Variants in TNFRSF1A observed in about 807,000 individuals in gnomAD.
TNFRSF1A encodes the protein TNF receptor superfamily member 1A, also known as tumor necrosis factor receptor superfamily member 1A.
A neutral mutation model predicts 41.6 loss-of-function variants in TNFRSF1A; 9 were observed. The ratio of observed to expected loss-of-function variants is 0.22; its 90% confidence interval spans 0.13 to 0.38. The LOEUF (loss-of-function observed/expected upper bound fraction) is 0.38, where lower values mean the gene tolerates loss of function less well. Ranked by LOEUF, TNFRSF1A falls within the 10% of genes least tolerant of loss-of-function variation. The probability of loss-of-function intolerance (pLI) is 1.00; values close to 1 mark genes in which losing one functional copy is unlikely to be tolerated. For missense variants in TNFRSF1A, 463 were observed against 591.5 expected, an observed-to-expected ratio of 0.78 and a Z score of 2.25; for synonymous variants, 254 against 248.6, an observed-to-expected ratio of 1.02 and a Z score of -0.21.
intron 9 of TNFRSF1A, 56 bp downstream of exon 9, chr12:6,329,722 C>G: frequency 1.9e-6 from 3 of 1,550,816 alleles, no homozygotes; most frequent in Non-Finnish European, 2.6e-6. Flanking sequence ...GAGCGCCTCC[C>G]GCGCTCCCCC....
At chr12:6,331,035 C>T in intron 5 of TNFRSF1A, 109 bp from the exon 6 acceptor site, 1 of 912,904 alleles carries the variant, frequency 1.1e-6, no homozygotes, top group Non-Finnish European at 1.7e-6. Context: ...TTTTTGCTGT[C>T]TCTTGATATA....
At chr12:6,332,052 G>C (rs1364842139) in intron 5 of TNFRSF1A, 5 of 228,388 alleles carry the variant, frequency 2.2e-5, no homozygotes, top group African/African-American at 1.3e-4. Flanking sequence ...AAATAGTTTT[G>C]TGTCAGACGT....
chr12:6,340,049 C>G (rs370713275), intron 1 of TNFRSF1A, among the ~76,000 whole-genome samples: 1 of 152,176 alleles, frequency 6.6e-6, no homozygotes, highest in Non-Finnish European at 1.5e-5. Context: ...TTCAGGCTAC[C>G]TTTACCCTCT....
chr12:6,329,670 G>T, intron 9 of TNFRSF1A, 48 bp from the exon 10 acceptor site: 1 of 1,548,336 alleles, frequency 6.5e-7, no homozygotes. Flanking sequence ...CCCAGGCCCC[G>T]CCCCGCATCC....
At chr12:6,330,414 G>A in intron 7 of TNFRSF1A, 119 bp from the exon 8 acceptor site, 2 of 1,123,324 alleles carry the variant, frequency 1.8e-6, no homozygotes, top group South Asian at 1.2e-5. Flanking sequence ...TGGCCCCAGG[G>A]ACGAGAGAGC....
Position 6,329,348 on chromosome 12 carries a change from G to A in TNFRSF1A, c.1332C>T (p.Pro444=), listed in dbSNP as rs752811833. The change falls in exon 10 of 10, where the codon CCC becomes CCT. Residue 444 remains proline (P), a synonymous_variant. Coordinates refer to ENST00000162749, the MANE Select transcript of TNFRSF1A (RefSeq NM_001065.4). ...LEDIEEALCG[P]AALPPAPSLL... ...GACTGGGCGCGGGCGGGAGGGCGGC[G>A]GGGCCGCAAAGCGCCTCCTCGATGT... 4 of 1,480,526 alleles carry A rather than the reference G, an allele frequency of 2.7e-6. No homozygotes were observed. The highest frequency in any genetic ancestry group is 3.6e-6 in the Non-Finnish European group (4 of 1,124,986). The allele number at this position is 1,480,526 out of a possible 1,614,324, so 91.7% of individuals were successfully genotyped here. A position where few individuals can be genotyped will look rare whatever the true frequency, so the allele number is the denominator to read the frequency against.
intron 1 of TNFRSF1A, among the ~76,000 whole-genome samples, chr12:6,338,197 C>T (rs939594425): frequency 4.6e-5 from 7 of 152,140 alleles, no homozygotes; most frequent in African/African-American, 1.7e-4. Context: ...ATGCCCCAGA[C>T]GGAATTCATC....
At chr12:6,340,308 C>T (rs1410510357) in intron 1 of TNFRSF1A, among the ~76,000 whole-genome samples, 1 of 152,186 alleles carries the variant, frequency 6.6e-6, no homozygotes, top group Non-Finnish European at 1.5e-5. Flanking sequence ...AGTATGAGGT[C>T]AAGACTGTGA....
Position 6,341,874 on chromosome 12 carries a change from GTGCTGGGGCT to G in TNFRSF1A, c.-70_-61del. 6.3e-7 allele frequency: 1 copy of G among 1,596,492 alleles called. No homozygotes were observed. The highest frequency in any genetic ancestry group is 1.3e-5 in the African/African-American group (1 of 74,712). ...GGCTCAGGGCAGTGTGGCAGCGGCA[GTGCTGGGGCT>G]TCCCGGGACTCGGTCTGTCCAGGAC... On this transcript the variant is annotated 5_prime_UTR_variant, in exon 1 of 10. An upstream open reading frame in the 5' UTR loses its in-frame stop. Transcript: ENST00000162749. The surrounding 1 kb of genome is among the most constrained non-coding windows in gnomAD (Gnocchi z 4.6).
chr12:6,341,638 G>T lies in TNFRSF1A; in HGVS notation c.39+138C>A, dbSNP rs1289571221. 2 of 967,860 alleles carry T rather than the reference G, an allele frequency of 2.1e-6. No homozygotes were observed. The highest frequency in any genetic ancestry group is 1.6e-6 in the Non-Finnish European group (1 of 624,330). 60.0% of individuals were successfully genotyped at this position (967,860 alleles called of 1,614,324 possible). A position where few individuals can be genotyped will look rare whatever the true frequency, so the allele number is the denominator to read the frequency against. ...GAACCCCACACTGGCAGTGGCTGAG[G>T]TTAGGACCTGCAGGCCTGAGGCTGG... is the stretch of plus-strand genomic sequence containing the variant. On this transcript the variant is annotated intron_variant, in intron 1 of 9. Coordinates refer to ENST00000162749, the MANE Select transcript of TNFRSF1A (RefSeq NM_001065.4). The surrounding 1 kb of genome is among the most constrained non-coding windows in gnomAD (Gnocchi z 4.6).
In TNFRSF1A at chr12:6,333,243, G is replaced by C; in HGVS notation, c.473-96C>G. 6.4e-7 allele frequency: 1 copy of C among 1,551,022 alleles called. No individual in the cohort carries two copies. Among genetic ancestry groups the C allele is most frequent in the Non-Finnish European group, 8.8e-7 (1 of 1,132,408 alleles). ...ACGAGGGACAGGGTGGGGGCGGCCA[G>C]AGAGGAGTTGGTTGTCAGACCCACA... On this transcript the variant is annotated intron_variant, in intron 4 of 9. Transcript: ENST00000162749. The surrounding 1 kb of genome is among the most constrained non-coding windows in gnomAD (Gnocchi z 6.3).
intron 5 of TNFRSF1A, chr12:6,331,357 A>T: frequency 3.6e-6 from 1 of 280,128 alleles, no homozygotes; most frequent in South Asian, 3.4e-5. Flanking sequence ...TTGTTGTTTC[A>T]TCACTGTTTT....
At chr12:6,330,379 G>T in intron 7 of TNFRSF1A, 84 bp from the exon 8 acceptor site, 2 of 1,339,488 alleles carry the variant, frequency 1.5e-6, no homozygotes, top group Non-Finnish European at 2.1e-6. Context: ...GTGGGGACTT[G>T]TGGTGACATG....
In TNFRSF1A at chr12:6,330,872, A is replaced by C. The variant is rs754522986; in HGVS notation, c.606T>G (p.Val202=). 6.2e-7 allele frequency: 1 copy of C among 1,613,834 alleles called. No homozygotes were observed. The highest frequency in any genetic ancestry group is 8.5e-7 in the Non-Finnish European group (1 of 1,180,028). The change falls in exon 6 of 10, where the codon GTT becomes GTG. Residue 202 remains valine, a synonymous_variant. Coordinates refer to ENST00000162749, the MANE Select transcript of TNFRSF1A (RefSeq NM_001065.4). The part of the protein sequence containing the change: ...TKLCLPQIEN[V]KGTEDSGTTV... ...CCTCACCTGAGTCCTCAGTGCCCTT[A>C]ACATTCTCAATCTGGGGTAGGCACA...
chr12:6,336,756 A>G (rs1401009976), intron 1 of TNFRSF1A, among the ~76,000 whole-genome samples: 1 of 151,996 alleles, frequency 6.6e-6, no homozygotes, highest in African/African-American at 2.4e-5. Flanking sequence ...TCCCAGTTCA[A>G]CAAGTCTCCA....
rs1000087625 is a variant in TNFRSF1A at position 6,335,607 on chromosome 12, AT to A, written c.40-1364del. ...TCATTTCTGGTTTTCCCTGGGCTTC[AT>A]TTTTTTTTTCTACTATAAGAGACAC... is the stretch of plus-strand genomic sequence containing the variant. On this transcript the variant is annotated intron_variant, in intron 1 of 9. Transcript: ENST00000162749. Among the ~76,000 whole-genome samples, 7 of 149,680 alleles carry A rather than the reference AT, an allele frequency of 4.7e-5. No individual in the cohort carries two copies. In the East Asian group the frequency reaches 7.8e-4, roughly 17 times the overall value.
chr12:6,341,749 C>T lies in TNFRSF1A; in HGVS notation c.39+27G>A, dbSNP rs372489364. The T allele has an allele frequency of 3.1e-5, 50 of 1,613,860 alleles. No individual in the cohort carries two copies. Among genetic ancestry groups the T allele is most frequent in the Non-Finnish European group, 3.8e-5 (45 of 1,179,872 alleles). On this transcript the variant is annotated intron_variant, in intron 1 of 9. Transcript: ENST00000162749. The surrounding 1 kb of genome is among the most constrained non-coding windows in gnomAD (Gnocchi z 4.6). ...CCGGAAGGTGCCTCGCCCACCAGCC[C>T]ACTCTTCCCTTTGTCCCTGGTCTCA... is the stretch of plus-strand genomic sequence containing the variant.
chr12:6,330,034 C>T lies in TNFRSF1A; in HGVS notation c.801G>A (p.Leu267=), dbSNP rs1372950664. The change falls in exon 9 of 10, where the codon CTG becomes CTA. Residue 267 remains leucine, a synonymous_variant. Transcript: ENST00000162749. ...GELEGTTTKP[L]APNPSFSPTP... is the part of the protein sequence containing the mutation. ...TGGGACTGAAGCTTGGGTTTGGGGC[C>T]AGGGGCTTAGTAGTAGTTCCTTCAA... 2 of 1,612,802 alleles carry T rather than the reference C, an allele frequency of 1.2e-6. No individual in the cohort carries two copies. The highest frequency in any genetic ancestry group is 1.1e-5 in the South Asian group (1 of 90,988).
intron 9 of TNFRSF1A, 54 bp downstream of exon 9, chr12:6,329,724 C>T: frequency 3.9e-6 from 6 of 1,553,560 alleles, no homozygotes; most frequent in East Asian, 2.4e-5. Flanking sequence ...GCGCCTCCCG[C>T]GCTCCCCCGG....
Sources: allele counts gnomAD v4.1 joint callset (sites outside exome capture counted in the v4.1 genomes callset), GRCh38; gene constraint gnomAD v4.1.1; non-coding constraint Gnocchi (gnomAD v3.1); transcripts MANE v1.5; gene names NCBI Gene and HGNC (gene_info 2026-07-23, HGNC 2026-07-21).